The following TMEFF2 variants were observed in gnomAD, a reference collection of about 807,000 sequenced individuals.
TMEFF2 encodes transmembrane protein with EGF like and two follistatin like domains 2, also known as tomoregulin-2.
In TMEFF2, 28 loss-of-function variants were observed where a neutral mutation model predicts 53.8. That is an observed-to-expected ratio of 0.52 (90% confidence interval 0.39 to 0.71). The LOEUF is 0.71. TMEFF2 is among the 30% of genes least tolerant of loss of function. The probability of loss-of-function intolerance (pLI) is 0.00; values close to 1 mark genes in which losing one functional copy is unlikely to be tolerated. For synonymous variants in TMEFF2, 162 were observed against 166.3 expected, an observed-to-expected ratio of 0.97 and a Z score of 0.20; for missense variants, 353 against 455.2, an observed-to-expected ratio of 0.78 and a Z score of 2.04.
chr2:192,071,899 T>C (rs566615073), intron 4 of TMEFF2, among the ~76,000 whole-genome samples: 15 of 151,984 alleles, frequency 9.9e-5, no homozygotes, highest in African/African-American at 3.4e-4. Context: ...TGAAAATAAG[T>C]TACGTGCTGA....
At chr2:191,987,925 CTGA>C (rs1298710471) in intron 7 of TMEFF2, among the ~76,000 whole-genome samples, 1 of 151,956 alleles carries the variant, frequency 6.6e-6, no homozygotes, top group African/African-American at 2.4e-5. Flanking sequence ...TATTATTTTC[CTGA>C]TGATTATAAT....
At chr2:192,111,894 A>G (rs1689286429) in intron 4 of TMEFF2, among the ~76,000 whole-genome samples, 1 of 152,230 alleles carries the variant, frequency 6.6e-6, no homozygotes, top group African/African-American at 2.4e-5. Flanking sequence ...GCAAGCCCCA[A>G]GCCTTGGCAG....
In TMEFF2 at chr2:192,057,683, C is replaced by T. The variant is rs757573785; in HGVS notation, c.532G>A (p.Val178Ile). The T allele has an allele frequency of 1.9e-6, 3 of 1,613,546 alleles. No individual in the cohort carries two copies. In the African/African-American group the frequency reaches 4.0e-5, roughly 22 times the overall value. Residue 178 changes from valine (V) to isoleucine (I), a missense_variant, in exon 5 of 10, where the codon GTC becomes ATC. Val to Ile is a conservative substitution (Grantham distance 29, BLOSUM62 3). Transcript: ENST00000272771. ...AGAATAAAAACAGCATATTACCAGA[C>T]ATCCTCGGCATCTTCGTCACATTCT... ...GAECDEDAEDVWCVCNIDCSQ... is the reference protein window; with the variant it reads ...GAECDEDAEDIWCVCNIDCSQ...
intron 4 of TMEFF2, among the ~76,000 whole-genome samples, chr2:192,060,810 T>C (rs1248788335): frequency 6.6e-6 from 1 of 152,216 alleles, no homozygotes; most frequent in Non-Finnish European, 1.5e-5. Flanking sequence ...TGCATTTATA[T>C]TGTAAGCTCT....
intron 8 of TMEFF2, among the ~76,000 whole-genome samples, chr2:191,954,881 A>G (rs978178074): frequency 1.3e-5 from 2 of 152,298 alleles, no homozygotes; most frequent in South Asian, 4.1e-4. Flanking sequence ...TAAGAAAACA[A>G]TACTTAAAGA....
chr2:192,192,173 A>C (rs1249571481), intron 1 of TMEFF2, among the ~76,000 whole-genome samples, 184 bp from the exon 2 acceptor site: 1 of 151,956 alleles, frequency 6.6e-6, no homozygotes, highest in Non-Finnish European at 1.5e-5. Context: ...ATTCGTTTCC[A>C]TTTTCCACAA....
intron 4 of TMEFF2, among the ~76,000 whole-genome samples, chr2:192,099,019 A>G (rs989240322): frequency 2.0e-5 from 3 of 152,172 alleles, no homozygotes; most frequent in Non-Finnish European, 4.4e-5. Flanking sequence ...AAACCACTTT[A>G]GTACTTGGTT....
intron 4 of TMEFF2, among the ~76,000 whole-genome samples, chr2:192,093,226 G>A (rs1034088224): frequency 6.6e-6 from 1 of 152,120 alleles, no homozygotes; most frequent in Non-Finnish European, 1.5e-5. Flanking sequence ...AGAAATAGAT[G>A]TTACACAAAT....
At position 192,194,438 on chromosome 2, in the gene TMEFF2, T is replaced by C. The variant is rs776190134; in HGVS notation, c.87A>G (p.Leu29=). ...GCTTCACCGGGCGGGCTACGATGAG[T>C]AGCATGACGGGCAGCAGCAGCAGCC... The part of the protein sequence containing the change: ...FCWLLLLPVM[L]LIVARPVKLA... The change falls in exon 1 of 10, where the codon CTA becomes CTG. Residue 29 remains leucine, a synonymous_variant. Coordinates refer to ENST00000272771, the MANE Select transcript of TMEFF2 (RefSeq NM_016192.4). The surrounding 1 kb of genome is among the most constrained non-coding windows in gnomAD (Gnocchi z 4.2). 2.5e-6 allele frequency: 4 copies of C among 1,613,780 alleles called. No individual in the cohort carries two copies. Among genetic ancestry groups the C allele is most frequent in the African/African-American group, 1.3e-5 (1 of 74,858 alleles).
chr2:192,094,899 A>T (rs1274770426), intron 4 of TMEFF2, among the ~76,000 whole-genome samples: 1 of 152,186 alleles, frequency 6.6e-6, no homozygotes, highest in African/African-American at 2.4e-5. Context: ...TTTTTCTTGC[A>T]TGTTCACAAT....
At chr2:192,106,950 G>A (rs1331357928) in intron 4 of TMEFF2, among the ~76,000 whole-genome samples, 1 of 151,670 alleles carries the variant, frequency 6.6e-6, no homozygotes, top group Non-Finnish European at 1.5e-5. Context: ...TTTATAGGTG[G>A]AGTCAAAGAG....
intron 7 of TMEFF2, among the ~76,000 whole-genome samples, chr2:191,968,213 T>C (rs1692523267): frequency 1.3e-5 from 2 of 152,204 alleles, no homozygotes. Flanking sequence ...CCAATGTTTA[T>C]GATTGCTTCA....
intron 4 of TMEFF2, among the ~76,000 whole-genome samples, chr2:192,173,143 G>A (rs1449165796): frequency 1.3e-5 from 2 of 151,764 alleles, no homozygotes; most frequent in African/African-American, 4.8e-5. Flanking sequence ...GAATACAATA[G>A]GAATGTTCCT....
intron 4 of TMEFF2, among the ~76,000 whole-genome samples, chr2:192,075,266 T>C (rs1688381291): frequency 7.2e-6 from 1 of 139,364 alleles, no homozygotes; most frequent in Non-Finnish European, 1.5e-5. Context: ...TTAATTATTA[T>C]ACCCAGAGTA....
intron 7 of TMEFF2, among the ~76,000 whole-genome samples, chr2:191,973,808 ATAGT>A (rs773422447): frequency 1.2e-4 from 19 of 152,188 alleles, no homozygotes; most frequent in South Asian, 2.1e-4. Flanking sequence ...TGTTCTCATG[ATAGT>A]TAGTGAGTTT....
At chr2:192,136,737 T>C (rs186863583) in intron 4 of TMEFF2, among the ~76,000 whole-genome samples, 3 of 152,316 alleles carry the variant, frequency 2.0e-5, no homozygotes, top group Admixed American at 2.0e-4. Context: ...TATGCCTTTT[T>C]TAAACATTAA....
intron 7 of TMEFF2, among the ~76,000 whole-genome samples, chr2:191,985,864 C>G (rs1242484137): frequency 6.6e-6 from 1 of 152,158 alleles, no homozygotes; most frequent in Non-Finnish European, 1.5e-5. Context: ...CCAATACAAT[C>G]AGGTCTATTC....
At chr2:192,100,877 C>A (rs533099223) in intron 4 of TMEFF2, among the ~76,000 whole-genome samples, 1 of 152,054 alleles carries the variant, frequency 6.6e-6, no homozygotes, top group African/African-American at 2.4e-5. Flanking sequence ...AAATATGTTT[C>A]CTTATATGAG....
At chr2:192,039,938 T>C (rs191289746) in intron 5 of TMEFF2, among the ~76,000 whole-genome samples, 1 of 152,096 alleles carries the variant, frequency 6.6e-6, no homozygotes, top group Non-Finnish European at 1.5e-5. Context: ...AACAATGATA[T>C]GCCTGGATAC....
Sources: allele counts gnomAD v4.1 joint callset (sites outside exome capture counted in the v4.1 genomes callset), GRCh38; gene constraint gnomAD v4.1.1; non-coding constraint Gnocchi (gnomAD v3.1); transcripts MANE v1.5; gene names NCBI Gene and HGNC (gene_info 2026-07-23, HGNC 2026-07-21).